Variants in ANO2 observed in about 807,000 individuals in gnomAD.
The protein encoded by ANO2 is anoctamin 2.
ANO2 carries 101 observed loss-of-function variants against 124.2 expected under a neutral mutation model. The ratio of observed to expected loss-of-function variants is 0.81; its 90% CI spans 0.69 to 0.96. ANO2 has a LOEUF of 0.96. Ranked by LOEUF, ANO2 falls within the 40% of genes least tolerant of loss-of-function variation. ANO2 has a pLI of 0.00. For missense variants in ANO2, 1,293 were observed against 1,274.5 expected (o/e 1.01, Z -0.22); for synonymous variants, 486 against 482.5 (o/e 1.01, Z -0.09).
intron 7 of ANO2, among the ~76,000 whole-genome samples, chr12:5,814,782 GA>G (rs1208037084): frequency 1.3e-5 from 2 of 152,222 alleles, no homozygotes; most frequent in African/African-American, 4.8e-5. Flanking sequence ...CCTCTTCTGG[GA>G]AACTTTTTCC....
chr12:5,717,037 C>A lies in ANO2; in HGVS notation c.1545+15483G>T, dbSNP rs376872131. ...TAGGAAAAGCACCAGCATCAGCTCC[C>A]AGATGTGGAATTGACTTTGGACAAT... On this transcript the variant is annotated intron_variant, in intron 14 of 24. Coordinates refer to ENST00000682330, the MANE Select transcript of ANO2 (RefSeq NM_001364791.2). 1.2e-4 allele frequency among the ~76,000 whole-genome samples: 19 copies of A among 152,328 alleles called. 1 individual carries two copies. In the South Asian group the frequency reaches 1.7e-3, roughly 13 times the overall value.
At chr12:5,795,359 C>A (rs1310863243) in intron 10 of ANO2, among the ~76,000 whole-genome samples, 1 of 152,214 alleles carries the variant, frequency 6.6e-6, no homozygotes, top group Non-Finnish European at 1.5e-5. Flanking sequence ...GGGCTTCATG[C>A]CCAGGGCCTG....
chr12:5,651,386 C>A (rs920226434), intron 14 of ANO2, among the ~76,000 whole-genome samples: 1 of 151,974 alleles, frequency 6.6e-6, no homozygotes, highest in South Asian at 2.1e-4. Flanking sequence ...AAGTGGCAAT[C>A]ATCCTTGAGT....
In ANO2 at chr12:5,843,599, G is replaced by T. The variant is rs541779467; in HGVS notation, c.633+10444C>A. 3.3e-5 allele frequency among the ~76,000 whole-genome samples: 5 copies of T among 152,160 alleles called. No individual in the cohort carries two copies. The South Asian group carries it at 1.0e-3, about 32-fold the overall frequency. On this transcript the variant is annotated intron_variant, in intron 4 of 24. Coordinates refer to ENST00000682330, the MANE Select transcript of ANO2 (RefSeq NM_001364791.2). ...ATAAATAAACAACAACAAACTCAGA[G>T]AATTTCTCCTGATTTTTCTTTCTGG...
At chr12:5,837,312 T>TTA (rs1555171420) in intron 4 of ANO2, among the ~76,000 whole-genome samples, 5 of 128,416 alleles carry the variant, frequency 3.9e-5, no homozygotes, top group East Asian at 2.5e-4. Flanking sequence ...TTTTTTTTTT[T>TTA]ATGATTCCTG....
chr12:5,750,703 A>G (rs1951407555), intron 11 of ANO2, 133 bp downstream of exon 11: 1 of 945,606 alleles, frequency 1.1e-6, no homozygotes, highest in African/African-American at 1.7e-5. Flanking sequence ...GGAAAGCTAC[A>G]TGTGTCATAG....
chr12:5,615,756 T>C (rs1220144271), intron 16 of ANO2, among the ~76,000 whole-genome samples: 2 of 152,176 alleles, frequency 1.3e-5, no homozygotes, highest in Non-Finnish European at 2.9e-5. Flanking sequence ...TTGATTCCTC[T>C]TTCTCTCCTT....
At chr12:5,722,571 G>C (rs1365798572) in intron 14 of ANO2, among the ~76,000 whole-genome samples, 1 of 152,184 alleles carries the variant, frequency 6.6e-6, no homozygotes, top group South Asian at 2.1e-4. Flanking sequence ...GTAATACTGT[G>C]TGGCGGTGTA....
intron 10 of ANO2, among the ~76,000 whole-genome samples, chr12:5,773,933 G>A (rs753891910): frequency 4.6e-5 from 7 of 152,174 alleles, no homozygotes; most frequent in Non-Finnish European, 8.8e-5. Flanking sequence ...TCATTGAGTT[G>A]CTGTGAATAT....
chr12:5,897,016 G>A (rs1008398723), intron 3 of ANO2, among the ~76,000 whole-genome samples: 1 of 152,136 alleles, frequency 6.6e-6, no homozygotes, highest in East Asian at 1.9e-4. Context: ...AAGACTGACT[G>A]TAAAGTCACT....
Position 5,830,395 on chromosome 12 carries a change from C to A in ANO2, c.840+40G>T. On this transcript the variant is annotated intron_variant, in intron 6 of 24. Transcript: ENST00000682330. ...CTGCCAACTAGGAACTCAGCCCTTTCCCCATCCTCTTTCCTAACACAGTAC... is the reference window on the plus strand; with the variant it reads ...CTGCCAACTAGGAACTCAGCCCTTTACCCATCCTCTTTCCTAACACAGTAC... 4 of 1,599,006 alleles carry A rather than the reference C, an allele frequency of 2.5e-6. No homozygotes were observed. The South Asian group carries it at 3.4e-5, about 14-fold the overall frequency.
At chr12:5,936,011 C>T (rs1942633682) in intron 1 of ANO2, among the ~76,000 whole-genome samples, 1 of 152,152 alleles carries the variant, frequency 6.6e-6, no homozygotes, top group Non-Finnish European at 1.5e-5. Context: ...CATCTTTTTA[C>T]GTGCTTACTA....
At chr12:5,870,228 C>T (rs185312513) in intron 3 of ANO2, 7 of 152,386 alleles carry the variant, frequency 4.6e-5, no homozygotes, top group African/African-American at 1.7e-4. Flanking sequence ...GCCAACAGGA[C>T]TCTGACCATT....
chr12:5,573,070 C>T (rs899240934), intron 23 of ANO2, among the ~76,000 whole-genome samples: 2 of 152,162 alleles, frequency 1.3e-5, no homozygotes, highest in African/African-American at 2.4e-5. Flanking sequence ...CCTTATTTCT[C>T]ACCACAGTTC....
intron 4 of ANO2, among the ~76,000 whole-genome samples, chr12:5,844,949 T>C (rs1156407467): frequency 2.0e-5 from 2 of 102,262 alleles, no homozygotes; most frequent in Non-Finnish European, 3.9e-5. Context: ...TGTTCAACCA[T>C]GAAATTTTTT....
chr12:5,604,157 C>T (rs1944093313), intron 19 of ANO2, among the ~76,000 whole-genome samples: 2 of 151,944 alleles, frequency 1.3e-5, no homozygotes. Context: ...GATGGTGGAT[C>T]GTACACAGAA....
chr12:5,601,489 T>C (rs1186842863), intron 19 of ANO2, among the ~76,000 whole-genome samples: 1 of 151,586 alleles, frequency 6.6e-6, no homozygotes, highest in Non-Finnish European at 1.5e-5. Context: ...GCTAAATATG[T>C]GAGCTGGTTG....
chr12:5,585,773 T>C (rs375805252), intron 20 of ANO2, among the ~76,000 whole-genome samples: 18 of 152,302 alleles, frequency 1.2e-4, no homozygotes, highest in African/African-American at 4.3e-4. Flanking sequence ...ATGAAACCAG[T>C]CATGATTGGA....
At chr12:5,794,104 C>T (rs763398565) in intron 10 of ANO2, among the ~76,000 whole-genome samples, 33 of 152,366 alleles carry the variant, frequency 2.2e-4, no homozygotes, top group Admixed American at 4.6e-4. Flanking sequence ...ACCCTTCTCT[C>T]ACACCCTCAG....
Sources: allele counts gnomAD v4.1 joint callset (sites outside exome capture counted in the v4.1 genomes callset), GRCh38; gene constraint gnomAD v4.1.1; transcripts MANE v1.5; gene names NCBI Gene and HGNC (gene_info 2026-07-23, HGNC 2026-07-21).